DIAPH3: variants seen among roughly 807,000 people sequenced by gnomAD.
The protein encoded by DIAPH3 is diaphanous related formin 3.
A neutral mutation model predicts 144.3 loss-of-function variants in DIAPH3; 117 were observed. That is an observed-to-expected ratio of 0.81 (90% CI 0.70 to 0.95). DIAPH3 has a LOEUF of 0.95. Ranked by LOEUF, DIAPH3 falls within the 40% of genes least tolerant of loss-of-function variation. DIAPH3 has a pLI of 0.00. For synonymous variants in DIAPH3, 519 were observed against 488.9 expected, an observed-to-expected ratio of 1.06 and a Z score of -0.81; for missense variants, 1,421 against 1,412.7, an observed-to-expected ratio of 1.01 and a Z score of -0.09.
At chr13:59,768,686 C>T (rs1046104225) in intron 27 of DIAPH3, among the ~76,000 whole-genome samples, 2 of 152,148 alleles carry the variant, frequency 1.3e-5, no homozygotes, top group Non-Finnish European at 2.9e-5. Flanking sequence ...ATCTAACCAG[C>T]TTCACATTTA....
chr13:59,866,881 A>G (rs1284317275), intron 21 of DIAPH3, among the ~76,000 whole-genome samples: 1 of 151,826 alleles, frequency 6.6e-6, no homozygotes, highest in Non-Finnish European at 1.5e-5. Context: ...CTATAACACA[A>G]TTGCTCAGAC....
intron 14 of DIAPH3, among the ~76,000 whole-genome samples, chr13:59,977,085 G>A (rs552369371): frequency 6.6e-6 from 1 of 151,672 alleles, no homozygotes; most frequent in East Asian, 1.9e-4. Flanking sequence ...CAACACACCC[G>A]AGATATGCCC....
At chr13:59,785,268 T>C (rs2038974514) in intron 25 of DIAPH3, among the ~76,000 whole-genome samples, 1 of 152,214 alleles carries the variant, frequency 6.6e-6, no homozygotes, top group Non-Finnish European at 1.5e-5. Flanking sequence ...TTATTCGTCA[T>C]GATTTGTACA....
rs1480045091 is a variant in DIAPH3 at position 59,803,916 on chromosome 13, G to GA, written c.3163+6871dup. Reference sequence around the variant, plus strand: ...TTCAGTTTCTTAATACCATCAGAAGGAAAAAATTGTTACATGGTACAGTTG... The same window carrying GA: ...TTCAGTTTCTTAATACCATCAGAAGGAAAAAAATTGTTACATGGTACAGTTG... On this transcript the variant is annotated intron_variant, in intron 25 of 27. Transcript: ENST00000400324. Among the ~76,000 whole-genome samples, 6 of 152,254 alleles carry GA rather than the reference G, an allele frequency of 3.9e-5. No homozygotes were observed. In the South Asian group the frequency reaches 1.2e-3, roughly 32 times the overall value.
intron 25 of DIAPH3, among the ~76,000 whole-genome samples, chr13:59,776,260 A>G (rs1199397109): frequency 2.0e-5 from 3 of 152,202 alleles, no homozygotes; most frequent in Non-Finnish European, 4.4e-5. Context: ...CTGCTATTTC[A>G]TATTTTTAGA....
At chr13:60,159,013 G>A (rs71434903) in intron 1 of DIAPH3, among the ~76,000 whole-genome samples, 1 of 147,912 alleles carries the variant, frequency 6.8e-6, no homozygotes, top group Non-Finnish European at 1.5e-5. Flanking sequence ...CTACCTTTCA[G>A]AAGATCATTG....
chr13:59,988,253 T>A (rs1048218765), intron 12 of DIAPH3, among the ~76,000 whole-genome samples: 1 of 151,846 alleles, frequency 6.6e-6, no homozygotes, highest in Admixed American at 6.6e-5. Context: ...AGACATTATC[T>A]CCCATCCCCA....
chr13:60,087,314 TG>T (rs2057778639), intron 4 of DIAPH3, among the ~76,000 whole-genome samples: 2 of 152,184 alleles, frequency 1.3e-5, no homozygotes, highest in Non-Finnish European at 2.9e-5. Flanking sequence ...AGAGTAATAC[TG>T]CAGAATACAA....
At chr13:59,949,973 A>T (rs2049015883) in intron 17 of DIAPH3, among the ~76,000 whole-genome samples, 1 of 152,154 alleles carries the variant, frequency 6.6e-6, no homozygotes. Flanking sequence ...AGATTCATAA[A>T]TTCATCACCA....
At chr13:59,911,097 G>A (rs555001172) in intron 20 of DIAPH3, among the ~76,000 whole-genome samples, 3 of 151,958 alleles carry the variant, frequency 2.0e-5, no homozygotes, top group East Asian at 1.9e-4. Context: ...AAGTGTAACC[G>A]ACCTAAAAAT....
chr13:59,696,989 T>C (rs2033833011), intron 27 of DIAPH3, among the ~76,000 whole-genome samples: 2 of 152,116 alleles, frequency 1.3e-5, no homozygotes, highest in South Asian at 4.2e-4. Context: ...TCTAAACCTC[T>C]GAATCATTTA....
intron 1 of DIAPH3, 129 bp downstream of exon 1, chr13:60,163,456 AAT>A: frequency 7.8e-7 from 1 of 1,286,134 alleles, no homozygotes; most frequent in Non-Finnish European, 1.1e-6. Flanking sequence ...GGTCGTTGTC[AAT>A]CTATGATCTT....
At chr13:59,684,327 C>G (rs1452866921) in intron 27 of DIAPH3, among the ~76,000 whole-genome samples, 1 of 152,068 alleles carries the variant, frequency 6.6e-6, no homozygotes, top group Non-Finnish European at 1.5e-5. Context: ...TACAGAGAAC[C>G]AAAACAATGT....
At chr13:60,002,037 A>G (rs886821400) in intron 9 of DIAPH3, among the ~76,000 whole-genome samples, 1 of 152,174 alleles carries the variant, frequency 6.6e-6, no homozygotes, top group Non-Finnish European at 1.5e-5. Context: ...TCTTTGCTGA[A>G]CAAGGGGAAG....
chr13:60,158,999 G>A (rs2138466876), intron 1 of DIAPH3, among the ~76,000 whole-genome samples: 1 of 149,894 alleles, frequency 6.7e-6, no homozygotes, highest in South Asian at 2.1e-4. Flanking sequence ...GGATTAAGGA[G>A]TGTCTACCTT....
intron 22 of DIAPH3, among the ~76,000 whole-genome samples, chr13:59,853,397 GA>G (rs1389951514): frequency 6.6e-6 from 1 of 152,168 alleles, no homozygotes; most frequent in East Asian, 1.9e-4. Flanking sequence ...GAAGGGCACT[GA>G]TAGGAGGTGA....
chr13:59,829,929 A>G (rs965819081), intron 24 of DIAPH3, among the ~76,000 whole-genome samples: 2 of 151,918 alleles, frequency 1.3e-5, no homozygotes, highest in African/African-American at 4.8e-5. Context: ...TCACTTTATG[A>G]TAAAAGCTCA....
chr13:60,076,807 G>A lies in DIAPH3; in HGVS notation c.495+16821C>T, dbSNP rs1566743598. Among the ~76,000 whole-genome samples the A allele has an allele frequency of 2.0e-5, 3 of 152,002 alleles. No individual in the cohort carries two copies. The South Asian group carries it at 6.2e-4, about 32-fold the overall frequency. ...GGATTTTGCCACTAATCTTAAATAA[G>A]CATTATACAAAAGTAATTATTTAAA... On this transcript the variant is annotated intron_variant, in intron 4 of 27. Coordinates refer to ENST00000400324, the MANE Select transcript of DIAPH3 (RefSeq NM_001042517.2).
intron 25 of DIAPH3, among the ~76,000 whole-genome samples, chr13:59,796,702 A>G (rs1174637573): frequency 6.6e-6 from 1 of 152,216 alleles, no homozygotes; most frequent in African/African-American, 2.4e-5. Flanking sequence ...CATTCTAAAC[A>G]GGTAATTTTA....
Sources: allele counts gnomAD v4.1 joint callset (sites outside exome capture counted in the v4.1 genomes callset), GRCh38; gene constraint gnomAD v4.1.1; transcripts MANE v1.5; gene names NCBI Gene and HGNC (gene_info 2026-07-23, HGNC 2026-07-21).